The following ASTN2 variants were observed in gnomAD, a reference collection of about 807,000 sequenced individuals.
ASTN2 encodes the protein astrotactin-2.
A neutral mutation model predicts 139.8 loss-of-function variants in ASTN2; 54 were observed. The observed-to-expected ratio is 0.39, with a 90% CI of 0.31 to 0.48. ASTN2 has a LOEUF of 0.48. Among genes scored for constraint, ASTN2 ranks in the 20% least tolerant of loss-of-function variants. The probability of loss-of-function intolerance (pLI) is 0.95; values close to 1 mark genes in which losing one functional copy is unlikely to be tolerated. For missense variants in ASTN2, 1,565 were observed against 1,725.1 expected, an observed-to-expected ratio of 0.91 and a Z score of 1.64; for synonymous variants, 756 against 719.5, an observed-to-expected ratio of 1.05 and a Z score of -0.81.
At chr9:117,060,376 A>G (rs538404246) in intron 5 of ASTN2, among the ~76,000 whole-genome samples, 2 of 74,714 alleles carry the variant, frequency 2.7e-5, no homozygotes, top group African/African-American at 1.5e-4. Flanking sequence ...GAAAGAAAGA[A>G]AGAAAGAAAG....
chr9:116,886,827 G>T (rs1189737993), intron 10 of ASTN2, among the ~76,000 whole-genome samples: 2 of 152,126 alleles, frequency 1.3e-5, no homozygotes, highest in African/African-American at 2.4e-5. Flanking sequence ...TCCCTCTCAT[G>T]CAGGGGAGAC....
At chr9:116,762,774 G>T (rs1241536690) in intron 13 of ASTN2, among the ~76,000 whole-genome samples, 1 of 152,222 alleles carries the variant, frequency 6.6e-6, no homozygotes, top group African/African-American at 2.4e-5. Context: ...TGTTTTGCCA[G>T]TGCAACAGCA....
At chr9:116,639,953 G>A (rs1276585975) in intron 17 of ASTN2, among the ~76,000 whole-genome samples, 2 of 152,034 alleles carry the variant, frequency 1.3e-5, no homozygotes, top group African/African-American at 4.8e-5. Flanking sequence ...TGTATTTATT[G>A]AATTTCTACT....
intron 1 of ASTN2, among the ~76,000 whole-genome samples, chr9:117,314,862 TTATAAATATATATGTACAACTATTTA>T (rs1184887193): frequency 1.4e-5 from 2 of 146,186 alleles, no homozygotes; most frequent in Non-Finnish European, 3.0e-5. Flanking sequence ...ATACGTAATA[TTATAAATATATATGTACAACTATTTA>T]TATAAATATA....
At chr9:116,936,587 C>A (rs1033434951) in intron 10 of ASTN2, among the ~76,000 whole-genome samples, 6 of 152,178 alleles carry the variant, frequency 3.9e-5, no homozygotes, top group African/African-American at 1.4e-4. Context: ...GCTGAAACTG[C>A]AAAAAGCACC....
Position 117,381,663 on chromosome 9 carries a change from G to A in ASTN2, c.442+32834C>T, listed in dbSNP as rs1295068324. Reference sequence around the variant, plus strand: ...CAGATGCCACCATGCTTCCTGTACAGCCTGCAGAACCATAAGCCAATTAAA... The same window carrying A: ...CAGATGCCACCATGCTTCCTGTACAACCTGCAGAACCATAAGCCAATTAAA... On this transcript the variant is annotated intron_variant, in intron 1 of 22. Transcript: ENST00000313400. Among the ~76,000 whole-genome samples, 5 of 152,214 alleles carry A rather than the reference G, an allele frequency of 3.3e-5. No individual in the cohort carries two copies. In the East Asian group the frequency reaches 9.7e-4, roughly 29 times the overall value.
intron 5 of ASTN2, among the ~76,000 whole-genome samples, chr9:117,085,826 G>A (rs1828546059): frequency 6.6e-6 from 1 of 152,154 alleles, no homozygotes; most frequent in African/African-American, 2.4e-5. Flanking sequence ...TATACCTTGT[G>A]TCAGGCACTG....
At chr9:117,089,921 T>TGCC (rs1828664402) in intron 5 of ASTN2, among the ~76,000 whole-genome samples, 1 of 152,214 alleles carries the variant, frequency 6.6e-6, no homozygotes, top group Non-Finnish European at 1.5e-5. Flanking sequence ...CTTTATCCAT[T>TGCC]TATTGATTGA....
intron 6 of ASTN2, among the ~76,000 whole-genome samples, chr9:117,034,556 A>G (rs1838330918): frequency 6.6e-6 from 1 of 152,148 alleles, no homozygotes; most frequent in Admixed American, 6.6e-5. Flanking sequence ...CATATGTTAG[A>G]TGGAAAAAAA....
intron 11 of ASTN2, among the ~76,000 whole-genome samples, chr9:116,853,804 T>C (rs2132326128): frequency 6.6e-6 from 1 of 152,282 alleles, no homozygotes; most frequent in South Asian, 2.1e-4. Flanking sequence ...TAATACAATT[T>C]GAAAACTGTC....
At chr9:117,052,433 T>TC (rs375714439) in intron 5 of ASTN2, among the ~76,000 whole-genome samples, 63,333 of 124,686 alleles carry the variant, frequency 0.51, 16,436 homozygotes, top group Middle Eastern at 0.55. Context: ...AGACTCCATC[T>TC]TAAAAAAAAA....
chr9:116,848,434 C>A (rs1367690242), intron 11 of ASTN2, among the ~76,000 whole-genome samples: 1 of 152,154 alleles, frequency 6.6e-6, no homozygotes, highest in Non-Finnish European at 1.5e-5. Flanking sequence ...TGCATTAACT[C>A]ATTCCCTCCT....
chr9:116,914,133 T>C (rs1267210581), intron 10 of ASTN2, among the ~76,000 whole-genome samples: 1 of 151,382 alleles, frequency 6.6e-6, no homozygotes, highest in Non-Finnish European at 1.5e-5. Context: ...GCAGAGGATA[T>C]GGCTAGAAGA....
intron 1 of ASTN2, among the ~76,000 whole-genome samples, chr9:117,403,815 G>A (rs986636867): frequency 2.6e-5 from 4 of 152,038 alleles, no homozygotes; most frequent in African/African-American, 9.7e-5. Flanking sequence ...TGTCCCAACT[G>A]TCCTCAAACA....
chr9:116,434,122 G>C (rs150157696), intron 22 of ASTN2, among the ~76,000 whole-genome samples: 360 of 152,080 alleles, frequency 2.4e-3, no homozygotes, highest in African/African-American at 8.2e-3. Flanking sequence ...TTAATTGAAG[G>C]TATAATTGAA....
chr9:116,614,212 A>G (rs549047883), intron 19 of ASTN2, among the ~76,000 whole-genome samples: 5 of 152,252 alleles, frequency 3.3e-5, no homozygotes, highest in African/African-American at 1.2e-4. Context: ...ACTGCTCAAC[A>G]AAATAAAAGA....
At chr9:117,048,717 A>G (rs1289656062) in intron 5 of ASTN2, among the ~76,000 whole-genome samples, 1 of 152,160 alleles carries the variant, frequency 6.6e-6, no homozygotes, top group Non-Finnish European at 1.5e-5. Flanking sequence ...CAAATATCTC[A>G]TTACCTCTTC....
At chr9:117,363,781 T>C (rs1460700890) in intron 1 of ASTN2, among the ~76,000 whole-genome samples, 1 of 152,162 alleles carries the variant, frequency 6.6e-6, no homozygotes, top group Non-Finnish European at 1.5e-5. Flanking sequence ...GACAGGTAAG[T>C]TGAACCTTGG....
At chr9:116,887,279 G>A (rs1441129495) in intron 10 of ASTN2, among the ~76,000 whole-genome samples, 3 of 152,030 alleles carry the variant, frequency 2.0e-5, no homozygotes, top group South Asian at 2.1e-4. Context: ...CAAGCACATC[G>A]TATAAAGTCA....
Sources: gnomAD v4.1 joint callset for allele counts (sites outside exome capture counted in the v4.1 genomes callset) on GRCh38, gnomAD v4.1.1 for gene constraint, MANE v1.5 for transcripts, NCBI Gene and HGNC (gene_info 2026-07-23, HGNC 2026-07-21) for gene names.